Variants in EP300 observed in about 807,000 individuals in gnomAD.
EP300 encodes histone acetyltransferase p300.
A neutral mutation model predicts 264.0 loss-of-function variants in EP300; 31 were observed. The observed-to-expected ratio is 0.12, with a 90% CI of 0.09 to 0.16. EP300 has a LOEUF of 0.16. Ranked by LOEUF, EP300 falls within the 10% of genes least tolerant of loss-of-function variation. The probability of loss-of-function intolerance (pLI) is 1.00; values close to 1 mark genes in which losing one functional copy is unlikely to be tolerated. For missense variants in EP300, 2,766 were observed against 3,052.9 expected (o/e 0.91, Z 2.21); for synonymous variants, 1,340 against 1,045.4 (o/e 1.28, Z -5.44).
At chr22:41,138,966 T>C (rs2058967375) in intron 8 of EP300, among the ~76,000 whole-genome samples, 1 of 152,200 alleles carries the variant, frequency 6.6e-6, no homozygotes, top group South Asian at 2.1e-4. Flanking sequence ...GTTTTTGTTT[T>C]TGAGACTGAG....
intron 12 of EP300, 88 bp from the exon 13 acceptor site, chr22:41,148,950 C>T (rs2145735457): frequency 2.5e-6 from 4 of 1,585,776 alleles, no homozygotes; most frequent in Non-Finnish European, 3.5e-6. Context: ...CTTAATAAGC[C>T]TGACGTTAGG....
intron 1 of EP300, chr22:41,108,091 C>T (rs2058767936): frequency 6.6e-6 from 1 of 152,024 alleles, no homozygotes; most frequent in South Asian, 2.1e-4. Context: ...GGGTGATCTA[C>T]AGAATCAGTA....
At position 41,147,979 on chromosome 22, in the gene EP300, C is replaced by G. The variant is rs17002314; in HGVS notation, c.2241+33C>G. 0.013 allele frequency: 18,726 copies of G among 1,446,958 alleles called. 1,354 individuals are homozygous for G. The East Asian group carries it at 0.18, about 14-fold the overall frequency. The allele number at this position is 1,446,958 out of a possible 1,614,324, so 89.6% of individuals were successfully genotyped here. On this transcript the variant is annotated intron_variant, in intron 12 of 30. Transcript: ENST00000263253. ...TGACGTCTTTGGTAATCTCTTTGGC[C>G]TTTACCTGGTATTTTGAAAATCCTG...
In EP300 at chr22:41,166,707, C is replaced by G. The variant is rs752947026; in HGVS notation, c.3874+41C>G. ...AAAGGTAAATTTTGGCAAAACTTAT[C>G]TGAAGCCTAGATAAGAAACCATCCA... On this transcript the variant is annotated intron_variant, in intron 23 of 30. Transcript: ENST00000263253. 5 of 1,402,934 alleles carry G rather than the reference C, an allele frequency of 3.6e-6. No homozygotes were observed. The African/African-American group carries it at 7.1e-5, about 20-fold the overall frequency. The allele number at this position is 1,402,934 out of a possible 1,614,324, so 86.9% of individuals were successfully genotyped here.
chr22:41,145,419 G>A (rs541523249), intron 10 of EP300, among the ~76,000 whole-genome samples: 1 of 152,316 alleles, frequency 6.6e-6, no homozygotes, highest in South Asian at 2.1e-4. Flanking sequence ...CTCCTTAGAA[G>A]AGCAGCAGGT....
intron 10 of EP300, among the ~76,000 whole-genome samples, chr22:41,144,758 AC>A (rs1344564035): frequency 1.3e-5 from 2 of 152,204 alleles, no homozygotes; most frequent in Non-Finnish European, 2.9e-5. Context: ...AATAATAGAT[AC>A]ATTCGTATCT....
chr22:41,171,818 G>C (rs2059172468), intron 27 of EP300, among the ~76,000 whole-genome samples: 1 of 151,734 alleles, frequency 6.6e-6, no homozygotes, highest in Admixed American at 6.6e-5. Flanking sequence ...TCTCCACATT[G>C]GTCAGGCTGG....
chr22:41,156,280 C>T (rs768207746), intron 17 of EP300, among the ~76,000 whole-genome samples: 8 of 152,058 alleles, frequency 5.3e-5, no homozygotes, highest in Non-Finnish European at 1.2e-4. Flanking sequence ...CCCAGAATGC[C>T]CAGATTACAG....
intron 29 of EP300, among the ~76,000 whole-genome samples, chr22:41,174,193 G>C (rs1033641377): frequency 6.6e-6 from 1 of 152,180 alleles, no homozygotes; most frequent in Non-Finnish European, 1.5e-5. Context: ...GCACTTTGGA[G>C]GTTGAGGCAG....
At chr22:41,164,014 G>A (rs775523630) in intron 21 of EP300, 39 bp from the exon 22 acceptor site, 1 of 1,588,932 alleles carries the variant, frequency 6.3e-7, no homozygotes, top group Admixed American at 1.7e-5. Context: ...ATTTGGTTAA[G>A]GTTTGGGGTT....
rs746384848 is a variant in EP300, at chr22:41,177,906, G to A, written c.6195G>A (p.Leu2065=). 6.2e-7 allele frequency: 1 copy of A among 1,614,174 alleles called. No homozygotes were observed. Among genetic ancestry groups the A allele is most frequent in the Non-Finnish European group, 8.5e-7 (1 of 1,180,018 alleles). The change falls in exon 31 of 31, where the codon CTG becomes CTA. Residue 2065 remains leucine (L), a synonymous_variant. Coordinates refer to ENST00000263253, the MANE Select transcript of EP300 (RefSeq NM_001429.4). ...LRTLRSPSSP[L]QQQQVLSILH... The stretch of plus-strand genomic sequence containing the variant: ...CTCTCAGGTCTCCCAGCTCTCCCCT[G>A]CAGCAGCAACAGGTGCTTAGTATCC...
intron 7 of EP300, among the ~76,000 whole-genome samples, chr22:41,137,026 C>T (rs1369975840): frequency 6.7e-6 from 1 of 149,956 alleles, no homozygotes; most frequent in African/African-American, 2.5e-5. Flanking sequence ...TGCCACTGCA[C>T]TCCAGCCTGG....
Position 41,179,876 on chromosome 22 carries a change from CCACTCACACACA to C in EP300, c.*924_*935del, listed in dbSNP as rs1451298328. 1.7e-4 allele frequency: 23 copies of C among 131,488 alleles called. 1 individual carries two copies. Among genetic ancestry groups the C allele is most frequent in the African/African-American group, 5.4e-4 (15 of 28,028 alleles). The allele number at this position is 131,488 out of a possible 1,614,324, so 8.1% of individuals were successfully genotyped here. ...GCTTTCTTCCTCCTTACCCTACCCCCCACTCACACACACACACACACACACACACACACACAC... is the reference window on the plus strand; with the variant it reads ...GCTTTCTTCCTCCTTACCCTACCCCCCACACACACACACACACACACACAC... On this transcript the variant is annotated 3_prime_UTR_variant, in exon 31 of 31. Transcript: ENST00000263253.
chr22:41,131,927 GTGGCTAACACC>G (rs1204190806), intron 6 of EP300, among the ~76,000 whole-genome samples: 1 of 151,942 alleles, frequency 6.6e-6, no homozygotes, highest in East Asian at 1.9e-4. Context: ...GCCGGGCATG[GTGGCTAACACC>G]TGTAATCCCA....
chr22:41,113,459 C>G (rs975264995), intron 1 of EP300, among the ~76,000 whole-genome samples: 2 of 152,064 alleles, frequency 1.3e-5, no homozygotes, highest in Non-Finnish European at 2.9e-5. Flanking sequence ...CATATTAATA[C>G]TATTTTTCTA....
chr22:41,117,541 C>T lies in EP300; in HGVS notation c.449C>T (p.Ser150Leu), dbSNP rs758593351. The change falls in exon 2 of 31, where the codon TCA becomes TTA. Residue 150 changes from serine to leucine, a missense_variant. By Grantham distance (145) the Ser-to-Leu change is moderately radical. Transcript: ENST00000263253. ...TSGPNQGPTQ[S>L]TGMMNSPVNQ... ...GGACCAAATCAGGGTCCTACGCAGT[C>T]AACAGGTATGATGAACAGTCCAGTA... 1.8e-5 allele frequency: 29 copies of T among 1,614,048 alleles called. No individual in the cohort carries two copies. The African/African-American group carries it at 3.1e-4, about 17-fold the overall frequency.
At chr22:41,172,749 A>G in intron 28 of EP300, 86 bp downstream of exon 28, 1 of 1,433,308 alleles carries the variant, frequency 7.0e-7, no homozygotes, top group Non-Finnish European at 9.6e-7. Flanking sequence ...ATTGGGTTTT[A>G]AAGCTTTCAG....
chr22:41,116,916 T>C (rs1490296389), intron 1 of EP300, among the ~76,000 whole-genome samples: 1 of 151,970 alleles, frequency 6.6e-6, no homozygotes, highest in Non-Finnish European at 1.5e-5. Flanking sequence ...AAAATTTAGC[T>C]CGGTGTGGTG....
intron 2 of EP300, among the ~76,000 whole-genome samples, chr22:41,125,467 T>C (rs1273887196): frequency 6.6e-6 from 1 of 151,962 alleles, no homozygotes; most frequent in African/African-American, 2.4e-5. Flanking sequence ...GTTTTCACCA[T>C]GTTCCCCAGG....
Sources: allele counts gnomAD v4.1 joint callset (sites outside exome capture counted in the v4.1 genomes callset), GRCh38; gene constraint gnomAD v4.1.1; transcripts MANE v1.5; gene names NCBI Gene and HGNC (gene_info 2026-07-23, HGNC 2026-07-21).